Variants in PLCB4 observed in about 807,000 individuals in gnomAD.
The protein encoded by PLCB4 is 1-phosphatidylinositol 4,5-bisphosphate phosphodiesterase beta-4.
Under a neutral mutation model 178.8 loss-of-function variants are expected in PLCB4, and 77 were observed. The ratio of observed to expected loss-of-function variants is 0.43; its 90% CI spans 0.36 to 0.52. PLCB4 has a LOEUF of 0.52. PLCB4 is among the 20% of genes least tolerant of loss of function. The probability of loss-of-function intolerance (pLI) is 0.00; values close to 1 mark genes in which losing one functional copy is unlikely to be tolerated. For synonymous variants in PLCB4, 496 were observed against 490.8 expected (o/e 1.01, Z -0.14); for missense variants, 1,024 against 1,453.4 (o/e 0.70, Z 4.80).
At chr20:9,331,887 C>T (rs1300106402) in intron 4 of PLCB4, among the ~76,000 whole-genome samples, 1 of 152,120 alleles carries the variant, frequency 6.6e-6, no homozygotes, top group Non-Finnish European at 1.5e-5. Flanking sequence ...TGGTGATCTC[C>T]AGCAAAAGTG....
At chr20:9,302,368 G>A (rs2094715945) in intron 3 of PLCB4, among the ~76,000 whole-genome samples, 1 of 152,098 alleles carries the variant, frequency 6.6e-6, no homozygotes, top group Non-Finnish European at 1.5e-5. Flanking sequence ...GGATCAAACT[G>A]TAGTGAAACA....
intron 3 of PLCB4, among the ~76,000 whole-genome samples, chr20:9,279,516 T>A (rs2094476451): frequency 6.6e-6 from 1 of 151,918 alleles, no homozygotes; most frequent in African/African-American, 2.4e-5. Context: ...GAAGATTCAT[T>A]TTAGCCAGAG....
intron 1 of PLCB4, among the ~76,000 whole-genome samples, chr20:9,084,603 G>A (rs6077487): frequency 0.49 from 74,004 of 151,674 alleles, 18,541 homozygotes; most frequent in Middle Eastern, 0.57. Context: ...AAAAAACCCA[G>A]CAGCACAATG....
intron 14 of PLCB4, 41 bp downstream of exon 14, chr20:9,384,452 G>T: frequency 7.5e-7 from 1 of 1,335,162 alleles, no homozygotes; most frequent in Non-Finnish European, 1.1e-6. Context: ...TGTGTGTGAT[G>T]CCCTTCAGTT....
intron 2 of PLCB4, among the ~76,000 whole-genome samples, chr20:9,111,264 T>A (rs1321062809): frequency 6.6e-6 from 1 of 152,168 alleles, no homozygotes; most frequent in Non-Finnish European, 1.5e-5. Flanking sequence ...AATGTTGTAA[T>A]GTGGTGTTCT....
At chr20:9,236,359 T>G (rs1333241452) in intron 3 of PLCB4, among the ~76,000 whole-genome samples, 9 of 152,196 alleles carry the variant, frequency 5.9e-5, no homozygotes, top group Admixed American at 1.3e-4. Context: ...AAGAACTACT[T>G]TACCTTCAAA....
At chr20:9,416,741 T>G (rs1165657301) in intron 25 of PLCB4, among the ~76,000 whole-genome samples, 2 of 152,226 alleles carry the variant, frequency 1.3e-5, no homozygotes, top group African/African-American at 4.8e-5. Flanking sequence ...TGGGTTGCAT[T>G]CTCTTGGAGA....
intron 31 of PLCB4, 32 bp from the exon 32 acceptor site, chr20:9,444,146 A>C (rs771024799): frequency 6.5e-6 from 10 of 1,539,134 alleles, no homozygotes; most frequent in Non-Finnish European, 7.1e-6. Context: ...AAAAACAAAA[A>C]ACCTATTTTT....
chr20:9,349,131 A>T (rs1363981959), intron 7 of PLCB4, among the ~76,000 whole-genome samples: 1 of 152,150 alleles, frequency 6.6e-6, no homozygotes, highest in Admixed American at 6.5e-5. Flanking sequence ...GTCTTTTCTT[A>T]ATTCAAGTGA....
chr20:9,082,495 T>C (rs1411717087), intron 1 of PLCB4, among the ~76,000 whole-genome samples: 1 of 152,178 alleles, frequency 6.6e-6, no homozygotes, highest in Non-Finnish European at 1.5e-5. Flanking sequence ...TTCTTCACAT[T>C]TGGCTTCTTT....
chr20:9,137,770 T>C (rs1600663405), intron 2 of PLCB4, among the ~76,000 whole-genome samples: 3 of 149,612 alleles, frequency 2.0e-5, no homozygotes, highest in Non-Finnish European at 4.4e-5. Context: ...TTTAAGTTGG[T>C]GTGAAAGGCA....
chr20:9,478,861 T>G (rs548575976), intron 39 of PLCB4, 60 bp from the exon 40 acceptor site: 20 of 1,234,594 alleles, frequency 1.6e-5, no homozygotes, highest in Non-Finnish European at 2.4e-5. Context: ...AGGCCAGGGT[T>G]GTTAAGTGCC....
rs141223392 is a variant in PLCB4 at position 9,382,833 on chromosome 20, C to G, written c.854-1368C>G. 2.5e-3 allele frequency among the ~76,000 whole-genome samples: 381 copies of G among 152,282 alleles called. 2 individuals are homozygous for G. Among genetic ancestry groups the G allele is most frequent in the African/African-American group, 7.8e-3 (323 of 41,550 alleles). On this transcript the variant is annotated intron_variant, in intron 13 of 39. Coordinates refer to ENST00000378473, the MANE Select transcript of PLCB4 (RefSeq NM_001377142.1). Reference sequence around the variant, plus strand: ...AGAGTTTCATGAAGGCAGGGCTTACCTGTTTCTTCTATCACTGCATCTATC... The same window carrying G: ...AGAGTTTCATGAAGGCAGGGCTTACGTGTTTCTTCTATCACTGCATCTATC...
At position 9,380,181 on chromosome 20, in the gene PLCB4, G is replaced by T. The variant is rs1262000306; in HGVS notation, c.853+19G>T. 2.5e-6 allele frequency: 3 copies of T among 1,199,780 alleles called. No individual in the cohort carries two copies. The highest frequency in any genetic ancestry group is 3.0e-5 in the South Asian group (2 of 67,348). 74.3% of individuals were successfully genotyped at this position (1,199,780 alleles called of 1,614,324 possible). A position where few individuals can be genotyped will look rare whatever the true frequency, so the allele number is the denominator to read the frequency against. ...AAAAAAGGTAATAAACATGAAAAAA[G>T]GACTTAAAAAAAAAAACAAGAAAAG... On this transcript the variant is annotated intron_variant, in intron 13 of 39. Transcript: ENST00000378473.
chr20:9,393,603 G>T lies in PLCB4; in HGVS notation c.1339G>T (p.Ala447Ser). Reference sequence around the variant, plus strand: ...TTCTCTCTAGCTTGAACCAGGCAGGGCTTTGCCATCCCCCAATGACCTCAA... The same window carrying T: ...TTCTCTCTAGCTTGAACCAGGCAGGTCTTTGCCATCCCCCAATGACCTCAA... The part of the protein sequence containing the change: ...LESHPLEPGR[A>S]LPSPNDLKRK... The change falls in exon 18 of 40, where the codon GCT becomes TCT. Residue 447 changes from alanine to serine, a missense_variant. Ala to Ser is a moderately conservative substitution (Grantham distance 99). This residue lies in a region of PLCB4 where 263 missense variants were observed against 417.4 expected (regional missense o/e 0.63). Transcript: ENST00000378473. 1.2e-6 allele frequency: 2 copies of T among 1,610,694 alleles called. No homozygotes were observed. The highest frequency in any genetic ancestry group is 2.2e-5 in the South Asian group (2 of 90,966).
chr20:9,318,309 G>C (rs566352339), intron 4 of PLCB4, among the ~76,000 whole-genome samples: 1 of 152,100 alleles, frequency 6.6e-6, no homozygotes, highest in Admixed American at 6.5e-5. Context: ...CGGGGTCTAG[G>C]CTTCTGCTGA....
intron 2 of PLCB4, among the ~76,000 whole-genome samples, chr20:9,145,514 T>C (rs1301626846): frequency 2.0e-5 from 3 of 152,034 alleles, no homozygotes; most frequent in Non-Finnish European, 4.4e-5. Context: ...AAGTTCTTTT[T>C]TTTTTTTGGT....
At position 9,459,739 on chromosome 20, in the gene PLCB4, T is replaced by C. The variant is rs1205984734; in HGVS notation, c.3177T>C (p.Cys1059=). The C allele has an allele frequency of 1.9e-6, 3 of 1,611,500 alleles. No individual in the cohort carries two copies. The highest frequency in any genetic ancestry group is 2.5e-6 in the Non-Finnish European group (3 of 1,177,730). ...EIRDLHLSQQ[C]ELLKKLLINA... is the part of the protein sequence containing the mutation. Reference sequence around the variant, plus strand: ...GAGACCTGCACCTCAGCCAGCAGTGTGAGCTGCTGAAAAAGCTACTCATCA... The same window carrying C: ...GAGACCTGCACCTCAGCCAGCAGTGCGAGCTGCTGAAAAAGCTACTCATCA... The change falls in exon 35 of 40, where the codon TGT becomes TGC. Residue 1059 remains cysteine, a synonymous_variant. Coordinates refer to ENST00000378473, the MANE Select transcript of PLCB4 (RefSeq NM_001377142.1).
Position 9,126,040 on chromosome 20 carries a change from A to G in PLCB4, c.-79+29698A>G, listed in dbSNP as rs541543289. Among the ~76,000 whole-genome samples the G allele has an allele frequency of 3.4e-4, 52 of 152,232 alleles. No individual in the cohort carries two copies. In the South Asian group the frequency reaches 9.1e-3, roughly 27 times the overall value. The stretch of plus-strand genomic sequence containing the variant: ...TGTATGCATGTATGTGTGTGTGTGT[A>G]AAAGTAAAGACAGTAATGGGATTGT... On this transcript the variant is annotated intron_variant, in intron 2 of 39. Coordinates refer to ENST00000378473, the MANE Select transcript of PLCB4 (RefSeq NM_001377142.1).
Sources: allele counts gnomAD v4.1 joint callset (sites outside exome capture counted in the v4.1 genomes callset), GRCh38; gene constraint gnomAD v4.1.1; regional missense constraint gnomAD v4.1.1; transcripts MANE v1.5; gene names NCBI Gene and HGNC (gene_info 2026-07-23, HGNC 2026-07-21).